AUH: variants seen among roughly 807,000 people sequenced by gnomAD.
AUH encodes the protein methylglutaconyl-CoA hydratase, mitochondrial.
AUH carries 29 observed loss-of-function variants against 42.3 expected under a neutral mutation model. That is an observed-to-expected ratio of 0.69 (90% CI 0.51 to 0.93). AUH has a LOEUF of 0.93. Among genes scored for constraint, AUH ranks in the 40% least tolerant of loss-of-function variants. AUH has a pLI of 0.00. For synonymous variants in AUH, 174 were observed against 166.4 expected, an observed-to-expected ratio of 1.05 and a Z score of -0.35; for missense variants, 452 against 438.1, an observed-to-expected ratio of 1.03 and a Z score of -0.28.
chr9:91,264,463 G>C (rs915040428), intron 6 of AUH, among the ~76,000 whole-genome samples: 1 of 152,128 alleles, frequency 6.6e-6, no homozygotes, highest in African/African-American at 2.4e-5. Flanking sequence ...TTCCAATTTG[G>C]AATGGCTGTT....
chr9:91,325,507 C>T (rs1829907913), intron 3 of AUH, 103 bp from the exon 4 acceptor site: 3 of 909,428 alleles, frequency 3.3e-6, no homozygotes, highest in African/African-American at 3.3e-5. Context: ...CAAGATCAGC[C>T]TAATTCATCT....
chr9:91,320,693 C>T (rs1363997599), intron 4 of AUH, among the ~76,000 whole-genome samples: 2 of 152,206 alleles, frequency 1.3e-5, no homozygotes, highest in African/African-American at 4.8e-5. Context: ...TTTAACATAA[C>T]TTAATTCCAC....
chr9:91,261,458 G>C (rs1829703831), intron 6 of AUH, among the ~76,000 whole-genome samples: 2 of 152,136 alleles, frequency 1.3e-5, no homozygotes, highest in Non-Finnish European at 2.9e-5. Flanking sequence ...GTTCACTTCT[G>C]TGTGAACTCT....
intron 1 of AUH, among the ~76,000 whole-genome samples, chr9:91,359,468 C>A (rs1022685353): frequency 3.3e-5 from 5 of 150,544 alleles, no homozygotes; most frequent in Non-Finnish European, 7.4e-5. Context: ...TACATTTTTT[C>A]TTTTTTTTTA....
At chr9:91,268,445 T>C (rs940805146) in intron 6 of AUH, among the ~76,000 whole-genome samples, 2 of 152,072 alleles carry the variant, frequency 1.3e-5, no homozygotes, top group Non-Finnish European at 2.9e-5. Flanking sequence ...TTTTTTTTTT[T>C]TAAGAGACGG....
chr9:91,247,423 T>G (rs1200097041), intron 6 of AUH, among the ~76,000 whole-genome samples: 2 of 152,076 alleles, frequency 1.3e-5, no homozygotes, highest in Non-Finnish European at 2.9e-5. Flanking sequence ...TTTTTCTCAC[T>G]CTCACAGCTG....
intron 4 of AUH, among the ~76,000 whole-genome samples, chr9:91,320,780 A>T (rs535670114): frequency 6.6e-6 from 1 of 152,204 alleles, no homozygotes; most frequent in South Asian, 2.1e-4. Flanking sequence ...CACGTGACCC[A>T]TATCTTTAAA....
intron 9 of AUH, among the ~76,000 whole-genome samples, chr9:91,215,180 A>C (rs1031120928): frequency 1.3e-5 from 2 of 152,188 alleles, no homozygotes; most frequent in South Asian, 2.1e-4. Context: ...AGATGCCCTA[A>C]AACAAAGTTC....
rs530045364 is a variant in AUH at position 91,338,514 on chromosome 9, TCCACCTC to T, written c.419-13117_419-13111del. On this transcript the variant is annotated intron_variant, in intron 3 of 9. Coordinates refer to ENST00000375731, the MANE Select transcript of AUH (RefSeq NM_001698.3). ...GGCGCGATCTCGGCTCACTGCAACA[TCCACCTC>T]CCAGGTTCCAGCAATTCTCCTGCCT... Among the ~76,000 whole-genome samples, 407 of 152,324 alleles carry T rather than the reference TCCACCTC, an allele frequency of 2.7e-3. 3 individuals carry two copies. The highest frequency in any genetic ancestry group is 9.5e-3 in the African/African-American group (393 of 41,568).
chr9:91,264,685 G>A (rs980775410), intron 6 of AUH, among the ~76,000 whole-genome samples: 1 of 152,112 alleles, frequency 6.6e-6, no homozygotes, highest in East Asian at 1.9e-4. Flanking sequence ...GGGAGCCCAC[G>A]GCAGGAAGAC....
At chr9:91,326,240 A>G (rs569070513) in intron 3 of AUH, among the ~76,000 whole-genome samples, 28 of 152,164 alleles carry the variant, frequency 1.8e-4, no homozygotes, top group Non-Finnish European at 3.2e-4. Flanking sequence ...GATACATAAT[A>G]TAAGTAAGGG....
chr9:91,327,711 C>T (rs565817317), intron 3 of AUH, among the ~76,000 whole-genome samples: 1 of 152,348 alleles, frequency 6.6e-6, no homozygotes, highest in Admixed American at 6.5e-5. Flanking sequence ...AAGCTGCGTG[C>T]AACGGGAATA....
At chr9:91,318,445 C>CT (rs1257806862) in intron 4 of AUH, among the ~76,000 whole-genome samples, 14 of 152,192 alleles carry the variant, frequency 9.2e-5, no homozygotes, top group Non-Finnish European at 2.1e-4. Context: ...ACTCCCCTCC[C>CT]TTTCCCACCT....
chr9:91,242,793 T>A (rs1828592514), intron 6 of AUH, among the ~76,000 whole-genome samples: 1 of 152,152 alleles, frequency 6.6e-6, no homozygotes. Context: ...TCTGGCTAAG[T>A]TTACCAGGTG....
chr9:91,315,408 G>A (rs1829079237), intron 4 of AUH, among the ~76,000 whole-genome samples: 1 of 152,146 alleles, frequency 6.6e-6, no homozygotes, highest in Non-Finnish European at 1.5e-5. Flanking sequence ...TATTGACTAT[G>A]TATACCTGGC....
At chr9:91,229,072 T>G (rs974095527) in intron 6 of AUH, among the ~76,000 whole-genome samples, 2 of 150,584 alleles carry the variant, frequency 1.3e-5, no homozygotes, top group East Asian at 2.0e-4. Context: ...TATTAGGTCC[T>G]CTTGGTGCAG....
At chr9:91,267,751 G>A (rs1411196097) in intron 6 of AUH, among the ~76,000 whole-genome samples, 1 of 152,136 alleles carries the variant, frequency 6.6e-6, no homozygotes, top group Non-Finnish European at 1.5e-5. Flanking sequence ...CAGGTACTGA[G>A]TACTCCAGGC....
chr9:91,287,105 G>A (rs1020512532), intron 6 of AUH, among the ~76,000 whole-genome samples: 1 of 151,778 alleles, frequency 6.6e-6, no homozygotes, highest in Non-Finnish European at 1.5e-5. Context: ...AAAAAAAATG[G>A]GTAAGTATCA....
At chr9:91,237,548 C>T (rs1210892708) in intron 6 of AUH, among the ~76,000 whole-genome samples, 1 of 152,164 alleles carries the variant, frequency 6.6e-6, no homozygotes, top group Non-Finnish European at 1.5e-5. Flanking sequence ...AGGTGGTTCC[C>T]TAGTATCCTC....
Sources: gnomAD v4.1 joint callset for allele counts (sites outside exome capture counted in the v4.1 genomes callset) on GRCh38, gnomAD v4.1.1 for gene constraint, MANE v1.5 for transcripts, NCBI Gene and HGNC (gene_info 2026-07-23, HGNC 2026-07-21) for gene names.